DVL1: variants seen among roughly 807,000 people sequenced by gnomAD.
The protein encoded by DVL1 is segment polarity protein dishevelled homolog DVL-1.
In DVL1, 49 loss-of-function variants were observed where a neutral mutation model predicts 65.0. That is an observed-to-expected ratio of 0.75 (90% CI 0.60 to 0.96). The LOEUF (loss-of-function observed/expected upper bound fraction) is 0.96. Among genes scored for constraint, DVL1 ranks in the 40% least tolerant of loss-of-function variants. DVL1 has a pLI of 0.00. For missense variants in DVL1, 1,197 were observed against 1,045.4 expected, an observed-to-expected ratio of 1.15 and a Z score of -2.00; for synonymous variants, 608 against 433.9, an observed-to-expected ratio of 1.40 and a Z score of -4.99.
chr1:1,340,516 T>C lies in DVL1; in HGVS notation c.606-13A>G. On this transcript the variant is annotated splice_polypyrimidine_tract_variant and intron_variant, in intron 5 of 14. Transcript: ENST00000378888. ...GGAGCTGCTGAGCCTGGGAACAGACTGTCAGAGCTCAGAGGAGCTGGAGAC... is the reference window on the plus strand; with the variant it reads ...GGAGCTGCTGAGCCTGGGAACAGACCGTCAGAGCTCAGAGGAGCTGGAGAC... 6.3e-7 allele frequency: 1 copy of C among 1,591,068 alleles called. No individual in the cohort carries two copies. The highest frequency in any genetic ancestry group is 8.6e-7 in the Non-Finnish European group (1 of 1,168,856).
rs147591285 is a variant in DVL1, at chr1:1,336,406, T to G, written c.1824A>C (p.Ala608=). ...GGSGSESDHT[A]PSGVGSSWRE... Reference sequence around the variant, plus strand: ...GCCAGCTGCTCCCCACCCCACTCGGTGCCGTGTGATCCGATTCACTGCCAC... The same window carrying G: ...GCCAGCTGCTCCCCACCCCACTCGGGGCCGTGTGATCCGATTCACTGCCAC... The change falls in exon 15 of 15, where the codon GCA becomes GCC. Residue 608 remains alanine (A), a synonymous_variant. Coordinates refer to ENST00000378888, the MANE Select transcript of DVL1 (RefSeq NM_001330311.2). The G allele has an allele frequency of 1.3e-6, 2 of 1,599,106 alleles. No individual in the cohort carries two copies. The highest frequency in any genetic ancestry group is 1.7e-6 in the Non-Finnish European group (2 of 1,178,384).
chr1:1,338,665 A>C lies in DVL1; in HGVS notation c.1208-12T>G. 6.2e-7 allele frequency: 1 copy of C among 1,606,198 alleles called. No individual in the cohort carries two copies. Among genetic ancestry groups the C allele is most frequent in the Non-Finnish European group, 8.5e-7 (1 of 1,178,428 alleles). On this transcript the variant is annotated splice_polypyrimidine_tract_variant and intron_variant, in intron 11 of 14. Transcript: ENST00000378888. The stretch of plus-strand genomic sequence containing the variant: ...CGCCTCTTCCAGCTCTGCAAAGCAC[A>C]GACAGCCCCGCTTCAGCCCCAGCAT...
At chr1:1,347,317 G>A (rs1292734950) in intron 1 of DVL1, among the ~76,000 whole-genome samples, 4 of 152,060 alleles carry the variant, frequency 2.6e-5, no homozygotes, top group African/African-American at 7.3e-5. Context: ...AGCCTGCCTC[G>A]ACACCCAGAC....
intron 1 of DVL1, 79 bp downstream of exon 1, chr1:1,348,817 A>G: frequency 7.7e-7 from 1 of 1,294,572 alleles, no homozygotes; most frequent in African/African-American, 1.6e-5. Context: ...ACGGCTCAGG[A>G]CCCCCGCCCC....
At position 1,339,820 on chromosome 1, in the gene DVL1, G is replaced by A. The variant is rs201165686; in HGVS notation, c.910-8C>T. 2.7e-3 allele frequency: 4,324 copies of A among 1,607,150 alleles called. 128 individuals are homozygous for A. In the South Asian group the frequency reaches 0.045, roughly 17 times the overall value. On this transcript the variant is annotated splice_region_variant and splice_polypyrimidine_tract_variant and intron_variant, in intron 8 of 14. Transcript: ENST00000378888. ...AAAGTTCACGTCATTCACCTGCAGG[G>A]GTGGGGATTAGGGTGGTGCAGGCAG...
chr1:1,338,683 C>T (rs1281294593), intron 11 of DVL1, 30 bp from the exon 12 acceptor site: 1 of 1,598,808 alleles, frequency 6.3e-7, no homozygotes, highest in African/African-American at 1.3e-5. Flanking sequence ...CCGCTTCAGC[C>T]CCAGCATCTG....
In DVL1 at chr1:1,340,560, A is replaced by G. The variant is rs773827274; in HGVS notation, c.606-57T>C. ...TGGAGACATGGGTAGGGGGGTGGGAACCCGCTCCCCCAATACTGAGTGGGA... is the reference window on the plus strand; with the variant it reads ...TGGAGACATGGGTAGGGGGGTGGGAGCCCGCTCCCCCAATACTGAGTGGGA... On this transcript the variant is annotated intron_variant, in intron 5 of 14. Transcript: ENST00000378888. The G allele has an allele frequency of 1.5e-5, 23 of 1,527,486 alleles. 1 individual carries two copies. The highest frequency in any genetic ancestry group is 5.9e-5 in the Admixed American group (3 of 51,012). 94.6% of individuals were successfully genotyped at this position (1,527,486 alleles called of 1,614,324 possible).
chr1:1,341,985 A>G, intron 4 of DVL1, 68 bp downstream of exon 4: 1 of 1,476,078 alleles, frequency 6.8e-7, no homozygotes, highest in Non-Finnish European at 9.2e-7. Flanking sequence ...CTGCTGTAGT[A>G]GGAACATGGC....
rs767631787 is a variant in DVL1, at chr1:1,335,776, C to T, written c.*366G>A. 24 of 276,240 alleles carry T rather than the reference C, an allele frequency of 8.7e-5. No homozygotes were observed. The highest frequency in any genetic ancestry group is 1.5e-4 in the Non-Finnish European group (21 of 144,748). The allele number at this position is 276,240 out of a possible 1,614,324, so 17.1% of individuals were successfully genotyped here. A position where few individuals can be genotyped will look rare whatever the true frequency, so the allele number is the denominator to read the frequency against. ...CTACTCCAGACAGGGGGCCTGTGCA[C>T]CGCAGGGGGTTGCCCCGCATGGACC... On this transcript the variant is annotated 3_prime_UTR_variant, in exon 15 of 15. Transcript: ENST00000378888.
At chr1:1,338,460 C>A in intron 12 of DVL1, 24 bp from the exon 13 acceptor site, 1 of 1,608,806 alleles carries the variant, frequency 6.2e-7, no homozygotes, top group Non-Finnish European at 8.5e-7. Flanking sequence ...GCGGTCAGCC[C>A]GCAGCCTCGA....
rs1643571146 is a variant in DVL1, at chr1:1,336,336, T to C, written c.1894A>G (p.Ser632Gly). The C allele has an allele frequency of 6.3e-7, 1 of 1,590,412 alleles. No individual in the cohort carries two copies. The highest frequency in any genetic ancestry group is 8.5e-7 in the Non-Finnish European group (1 of 1,175,378). ...GQLSRGSSPR[S>G]QASATAPGLP... ...CCCGGGGCGGTAGCCGAGGCCTGAC[T>C]GCGTGGGCTGCTGCCACGGCTGAGC... Residue 632 changes from serine to glycine, a missense_variant, in exon 15 of 15, where the codon AGT (serine) becomes GGT (glycine). Coordinates refer to ENST00000378888, the MANE Select transcript of DVL1 (RefSeq NM_001330311.2).
intron 1 of DVL1, among the ~76,000 whole-genome samples, chr1:1,346,454 T>C (rs1377499483): frequency 6.6e-6 from 1 of 152,094 alleles, no homozygotes; most frequent in Non-Finnish European, 1.5e-5. Flanking sequence ...GGCCCAAGGC[T>C]GGGCGAGACC....
At position 1,339,649 on chromosome 1, in the gene DVL1, C is replaced by A. The variant is rs748838537; in HGVS notation, c.987G>T (p.Gly329=). 1 of 1,611,156 alleles carries A rather than the reference C, an allele frequency of 6.2e-7. No homozygotes were observed. ...RVLREIVSQT[G]PISLTVAKCW... The stretch of plus-strand genomic sequence containing the variant: ...ACTTGGCCACAGTGAGGCTGATGGG[C>A]CTGCAGGAACGGTGGTCACACAGCA... The change falls in exon 10 of 15, where the codon GGG becomes GGT. Residue 329 remains glycine, a splice_region_variant and synonymous_variant. Transcript: ENST00000378888.
chr1:1,344,545 C>T (rs1427129478), intron 1 of DVL1, among the ~76,000 whole-genome samples: 2 of 152,238 alleles, frequency 1.3e-5, no homozygotes, highest in East Asian at 1.9e-4. Flanking sequence ...CCCTACCTAG[C>T]CCTCTGGGGT....
chr1:1,342,119 C>T lies in DVL1; in HGVS notation c.400G>A (p.Glu134Lys), dbSNP rs755489607. The change falls in exon 4 of 15, where the codon GAG (glutamate) becomes AAG (lysine). Residue 134 changes from glutamate to lysine, a missense_variant. By Grantham distance (56) the Glu-to-Lys change is moderately conservative. Coordinates refer to ENST00000378888, the MANE Select transcript of DVL1 (RefSeq NM_001330311.2). Reference protein sequence around the residue: ...VASSRDGMDNETGTESMVSHR... With the variant: ...VASSRDGMDNKTGTESMVSHR... ...CTGACCATGGACTCCGTGCCTGTCT[C>T]GTTGTCCATCCCGTCACGGCTGCTG... is the stretch of plus-strand genomic sequence containing the variant. 21 of 1,591,546 alleles carry T rather than the reference C, an allele frequency of 1.3e-5. No homozygotes were observed. The highest frequency in any genetic ancestry group is 6.9e-5 in the South Asian group (6 of 87,588).
intron 3 of DVL1, 23 bp from the exon 4 acceptor site, chr1:1,342,179 G>T: frequency 6.5e-7 from 1 of 1,540,530 alleles, no homozygotes; most frequent in South Asian, 1.2e-5. Flanking sequence ...AGCAGGGTGG[G>T]TGGGGAGGCC....
chr1:1,341,943 C>T, intron 4 of DVL1, 110 bp downstream of exon 4: 1 of 1,453,388 alleles, frequency 6.9e-7, no homozygotes. Context: ...TGTGCCTCCA[C>T]CCAAGCACCG....
chr1:1,340,211 C>G, intron 7 of DVL1, 34 bp from the exon 8 acceptor site: 2 of 1,613,808 alleles, frequency 1.2e-6, no homozygotes, highest in Non-Finnish European at 1.7e-6. Context: ...GGCCAAGCCC[C>G]TGCCCCTGCC....
At chr1:1,347,957 G>A (rs1643943474) in intron 1 of DVL1, among the ~76,000 whole-genome samples, 2 of 152,214 alleles carry the variant, frequency 1.3e-5, no homozygotes, top group Non-Finnish European at 2.9e-5. Context: ...GGGGCTGCCT[G>A]AGGACCCTGC....
Sources: allele counts gnomAD v4.1 joint callset (sites outside exome capture counted in the v4.1 genomes callset), GRCh38; gene constraint gnomAD v4.1.1; transcripts MANE v1.5; gene names NCBI Gene and HGNC (gene_info 2026-07-23, HGNC 2026-07-21).